TEX9: variants seen among roughly 807,000 people sequenced by gnomAD.
TEX9 encodes the protein testis expressed 9.
A neutral mutation model predicts 59.6 loss-of-function variants in TEX9; 74 were observed. That is an observed-to-expected ratio of 1.24 (90% CI 1.03 to 1.51). The LOEUF (loss-of-function observed/expected upper bound fraction) is 1.51. TEX9 is among the 40% of genes most tolerant of loss of function. The pLI, the probability that TEX9 is intolerant of heterozygous loss-of-function variation, is 0.00. For synonymous variants in TEX9, 186 were observed against 152.2 expected, an observed-to-expected ratio of 1.22 and a Z score of -1.64; for missense variants, 522 against 447.8, an observed-to-expected ratio of 1.17 and a Z score of -1.49.
intron 3 of TEX9, among the ~76,000 whole-genome samples, chr15:56,378,839 G>A (rs560450911): frequency 1.5e-4 from 23 of 152,144 alleles, no homozygotes; most frequent in African/African-American, 3.6e-4. Context: ...GCCAAGGCAC[G>A]TGACTCACTT....
At chr15:56,307,414 G>A (rs1479043684) in intron 1 of TEX9, among the ~76,000 whole-genome samples, 1 of 152,118 alleles carries the variant, frequency 6.6e-6, no homozygotes, top group African/African-American at 2.4e-5. Flanking sequence ...ATCCCCAGGT[G>A]CTACCACCTG....
intron 1 of TEX9, among the ~76,000 whole-genome samples, chr15:56,261,624 T>C (rs1485712719): frequency 1.3e-5 from 2 of 151,678 alleles, no homozygotes; most frequent in East Asian, 3.9e-4. Flanking sequence ...AGCTGAGGCA[T>C]GGGAATCACT....
intron 1 of TEX9, among the ~76,000 whole-genome samples, chr15:56,297,178 T>C (rs1485698269): frequency 2.0e-5 from 3 of 152,222 alleles, no homozygotes; most frequent in Non-Finnish European, 2.9e-5. Context: ...ACTTGGAATG[T>C]ACCTACCAAG....
At chr15:56,350,931 G>T (rs2046566516) in intron 1 of TEX9, among the ~76,000 whole-genome samples, 1 of 152,172 alleles carries the variant, frequency 6.6e-6, no homozygotes, top group African/African-American at 2.4e-5. Flanking sequence ...GTGTGGCAAT[G>T]GAGTTGGTAA....
intron 1 of TEX9, among the ~76,000 whole-genome samples, chr15:56,336,016 T>A (rs1259773267): frequency 2.6e-5 from 4 of 152,224 alleles, no homozygotes; most frequent in African/African-American, 7.2e-5. Flanking sequence ...TTTATGGATA[T>A]TGATTTGGAT....
chr15:56,288,604 G>T (rs1759965758), intron 1 of TEX9, among the ~76,000 whole-genome samples: 1 of 151,502 alleles, frequency 6.6e-6, no homozygotes, highest in Non-Finnish European at 1.5e-5. Context: ...GAAACCCATT[G>T]CTAGCCTTTT....
At chr15:56,273,840 G>A (rs1171791745) in intron 1 of TEX9, among the ~76,000 whole-genome samples, 5 of 152,020 alleles carry the variant, frequency 3.3e-5, no homozygotes, top group South Asian at 2.1e-4. Flanking sequence ...GTCTTTTTAC[G>A]TCTGGTTGTC....
intron 2 of TEX9, among the ~76,000 whole-genome samples, chr15:56,371,807 G>T (rs922163640): frequency 6.6e-6 from 1 of 152,214 alleles, no homozygotes; most frequent in South Asian, 2.1e-4. Context: ...CTTCCCTCTT[G>T]TTTGTTTTAA....
intron 1 of TEX9, among the ~76,000 whole-genome samples, chr15:56,277,813 T>C (rs2044710078): frequency 6.6e-6 from 1 of 152,236 alleles, no homozygotes; most frequent in African/African-American, 2.4e-5. Flanking sequence ...AGATTAGATT[T>C]CAACAAGGAG....
chr15:56,319,778 G>C (rs1039494604), intron 1 of TEX9, among the ~76,000 whole-genome samples: 6 of 152,114 alleles, frequency 3.9e-5, no homozygotes, highest in Non-Finnish European at 8.8e-5. Context: ...CCAGTGTTAT[G>C]GCCAAGAAAA....
At chr15:56,436,450 T>C (rs972610264) in intron 12 of TEX9, among the ~76,000 whole-genome samples, 3 of 152,066 alleles carry the variant, frequency 2.0e-5, no homozygotes, top group African/African-American at 4.8e-5. Flanking sequence ...GGGACACATT[T>C]AAAGCAGTGT....
chr15:56,294,880 C>T (rs2045181883), intron 1 of TEX9, among the ~76,000 whole-genome samples: 3 of 152,082 alleles, frequency 2.0e-5, no homozygotes, highest in African/African-American at 7.2e-5. Context: ...AAAAGGCAGA[C>T]ACTAAGAGAC....
In TEX9 at chr15:56,365,587, C is replaced by A; in HGVS notation, c.36C>A (p.Ser12Arg). 6.2e-7 allele frequency: 1 copy of A among 1,614,194 alleles called. No individual in the cohort carries two copies. ...CTGTGGCTCTTTTACAGAGAAGCAG[C>A]GTTCCAGGGACTCCGTTCCCGCCAC... The change falls in exon 2 of 13, where the codon AGC (serine) becomes AGA (arginine). Residue 12 changes from serine to arginine, a missense_variant. Coordinates refer to ENST00000352903, the Ensembl canonical transcript of TEX9.
chr15:56,264,644 A>G (rs1333535570), intron 1 of TEX9, among the ~76,000 whole-genome samples: 3 of 152,216 alleles, frequency 2.0e-5, no homozygotes, highest in Non-Finnish European at 4.4e-5. Flanking sequence ...GTCCACAAAA[A>G]TTATTGACTA....
intron 1 of TEX9, among the ~76,000 whole-genome samples, chr15:56,292,530 G>C (rs2045119647): frequency 2.0e-5 from 3 of 152,100 alleles, no homozygotes; most frequent in Admixed American, 2.0e-4. Context: ...TGGCAGTGAG[G>C]GTCTGAGCTA....
intron 2 of TEX9, among the ~76,000 whole-genome samples, chr15:56,366,156 A>T (rs1172167110): frequency 6.6e-6 from 1 of 152,178 alleles, no homozygotes. Flanking sequence ...TGTAATTACA[A>T]CTATCCTGAC....
At chr15:56,452,558 G>A in the TEX9 span, among the ~76,000 whole-genome samples, 29 of 144,564 alleles carry the variant, frequency 2.0e-4, no homozygotes, top group Middle Eastern at 3.6e-3. Flanking sequence ...TCTCTCTGTC[G>A]CCCAGGCTGG....
At chr15:56,451,318 A>T in the TEX9 span, among the ~76,000 whole-genome samples, 2 of 152,210 alleles carry the variant, frequency 1.3e-5, no homozygotes, top group African/African-American at 4.8e-5. Flanking sequence ...AACAAGGGCT[A>T]CCTGCCTCTG....
chr15:56,424,122 C>G (rs1257174003), intron 10 of TEX9, among the ~76,000 whole-genome samples: 2 of 152,072 alleles, frequency 1.3e-5, no homozygotes, highest in Non-Finnish European at 1.5e-5. Flanking sequence ...GTCTTTTCTC[C>G]AAGTCTGTCA....
Sources: allele counts gnomAD v4.1 joint callset (sites outside exome capture counted in the v4.1 genomes callset), GRCh38; gene constraint gnomAD v4.1.1; transcripts MANE v1.5; gene names NCBI Gene and HGNC (gene_info 2026-07-23, HGNC 2026-07-21).